The following ZNF236 variants were observed in gnomAD, a reference collection of about 807,000 sequenced individuals.
ZNF236 encodes regulated by glucose.
A neutral mutation model predicts 191.2 loss-of-function variants in ZNF236; 50 were observed. That is an observed-to-expected ratio of 0.26 (90% confidence interval 0.21 to 0.33). The LOEUF (loss-of-function observed/expected upper bound fraction) is 0.33, where lower values mean the gene tolerates loss of function less well. Ranked by LOEUF, ZNF236 falls within the 10% of genes least tolerant of loss-of-function variation. ZNF236 has a pLI of 1.00. For missense variants in ZNF236, 1,754 were observed against 2,374.5 expected, an observed-to-expected ratio of 0.74 and a Z score of 5.43; for synonymous variants, 907 against 928.8, an observed-to-expected ratio of 0.98 and a Z score of 0.43.
At chr18:76,887,716 A>G (rs1977098676) in intron 9 of ZNF236, among the ~76,000 whole-genome samples, 1 of 152,168 alleles carries the variant, frequency 6.6e-6, no homozygotes, top group Admixed American at 6.5e-5. Flanking sequence ...GGCAAGAGAG[A>G]CATGTACAGG....
In ZNF236 at chr18:76,969,040, G is replaced by A. The variant is rs1968854325; in HGVS notation, c.*701G>A. ...GATTCAGCTGTCCACACGGGCTGGC[G>A]ACACACTTACCGCATCAATCTGTGT... On this transcript the variant is annotated 3_prime_UTR_variant, in exon 31 of 31. Coordinates refer to ENST00000320610, the MANE Select transcript of ZNF236 (RefSeq NM_001306089.2). The A allele has an allele frequency of 1.1e-6, 1 of 922,862 alleles. No homozygotes were observed. Among genetic ancestry groups the A allele is most frequent in the Non-Finnish European group, 1.3e-6 (1 of 772,582 alleles). The allele number at this position is 922,862 out of a possible 1,614,324, so 57.2% of individuals were successfully genotyped here.
intron 15 of ZNF236, 96 bp from the exon 16 acceptor site, chr18:76,910,564 C>A: frequency 1.7e-6 from 2 of 1,197,310 alleles, no homozygotes; most frequent in Non-Finnish European, 1.2e-6. Flanking sequence ...AATAGAAATG[C>A]CCCTTTAGAC....
At position 76,909,141 on chromosome 18, in the gene ZNF236, C is replaced by T. The variant is rs965953568; in HGVS notation, c.2551+568C>T. On this transcript the variant is annotated intron_variant, in intron 14 of 30. Coordinates refer to ENST00000320610, the MANE Select transcript of ZNF236 (RefSeq NM_001306089.2). ...AAGACCAGCCTGGCTATGGTGAAACCGTATCTCTACTAAAAATACGAAACT... is the reference window on the plus strand; with the variant it reads ...AAGACCAGCCTGGCTATGGTGAAACTGTATCTCTACTAAAAATACGAAACT... Among the ~76,000 whole-genome samples, 50 of 151,958 alleles carry T rather than the reference C, an allele frequency of 3.3e-4. 1 individual carries two copies. Among genetic ancestry groups the T allele is most frequent in the South Asian group, 2.1e-3 (10 of 4,806 alleles).
chr18:76,889,037 A>C (rs1020875052), intron 9 of ZNF236, among the ~76,000 whole-genome samples: 2 of 152,180 alleles, frequency 1.3e-5, no homozygotes, highest in Non-Finnish European at 2.9e-5. Context: ...TCTGTAATTT[A>C]GCCCTGCCTG....
chr18:76,824,694 C>T (rs1974967733), intron 1 of ZNF236, among the ~76,000 whole-genome samples: 6 of 152,180 alleles, frequency 3.9e-5, no homozygotes. Context: ...CCGATGGTAT[C>T]CCTGTCCACC....
chr18:76,939,065 C>G (rs761662783), intron 26 of ZNF236, among the ~76,000 whole-genome samples: 1 of 152,088 alleles, frequency 6.6e-6, no homozygotes, highest in Non-Finnish European at 1.5e-5. Context: ...ACTGGCTGGG[C>G]GTGGTGGCTC....
At chr18:76,879,898 C>T (rs1976830273) in intron 7 of ZNF236, among the ~76,000 whole-genome samples, 1 of 152,058 alleles carries the variant, frequency 6.6e-6, no homozygotes, top group African/African-American at 2.4e-5. Flanking sequence ...AAAAACTGTA[C>T]AAAATTGCAT....
In ZNF236 at chr18:76,892,168, G is replaced by GTTTTTTTTTTT. The variant is rs34870901; in HGVS notation, c.1418-2834_1418-2824dup. Among the ~76,000 whole-genome samples, 17 of 52,772 alleles carry GTTTTTTTTTTT rather than the reference G, an allele frequency of 3.2e-4. 1 individual carries two copies. Among genetic ancestry groups the GTTTTTTTTTTT allele is most frequent in the East Asian group, 7.6e-4 (1 of 1,322 alleles). The allele number at this position is 52,772 out of a possible 152,430, so 34.6% of individuals were successfully genotyped here. On this transcript the variant is annotated intron_variant, in intron 9 of 30. Coordinates refer to ENST00000320610, the MANE Select transcript of ZNF236 (RefSeq NM_001306089.2). The stretch of plus-strand genomic sequence containing the variant: ...TTTTCTTTTTGAAATTTTCTTCTGG[G>GTTTTTTTTTTT]TTTTTTTTTTTTTTTTTTTTTGTAA...
At chr18:76,849,405 T>C in intron 1 of ZNF236, 121 bp from the exon 2 acceptor site, 1 of 771,818 alleles carries the variant, frequency 1.3e-6, no homozygotes. Context: ...TAATTTCGTC[T>C]AAAATGTCAC....
chr18:76,849,323 A>G (rs1022135386), intron 1 of ZNF236: 11 of 493,556 alleles, frequency 2.2e-5, no homozygotes, highest in African/African-American at 6.0e-5. Flanking sequence ...CTGTTGTCCC[A>G]TATCTTAGTC....
At position 76,960,791 on chromosome 18, in the gene ZNF236, C is replaced by T. The variant is rs765748896; in HGVS notation, c.5355C>T (p.Cys1785=). ...AGCGGCCCTACAAGTGTGCCTACTG[C>T]GTCATGGGCTTCACGCAGAAGAGCA... ...TGERPYKCAY[C]VMGFTQKSNM... Residue 1785 remains cysteine, a synonymous_variant, in exon 30 of 31, where the codon TGC becomes TGT. Transcript: ENST00000320610. The surrounding 1 kb of genome is among the most constrained non-coding windows in gnomAD (Gnocchi z 4.4). 6.8e-6 allele frequency: 11 copies of T among 1,614,018 alleles called. No homozygotes were observed. The highest frequency in any genetic ancestry group is 3.3e-5 in the Admixed American group (2 of 60,006).
intron 20 of ZNF236, among the ~76,000 whole-genome samples, chr18:76,920,352 A>G (rs914822302): frequency 1.3e-5 from 2 of 152,090 alleles, no homozygotes; most frequent in Non-Finnish European, 2.9e-5. Context: ...GGAGTTTGAG[A>G]CCAGCCTGAC....
chr18:76,941,251 G>A (rs760825121), intron 26 of ZNF236, among the ~76,000 whole-genome samples: 11 of 152,166 alleles, frequency 7.2e-5, no homozygotes, highest in Admixed American at 1.3e-4. Context: ...CCTGGGATGC[G>A]CTGTGGCCCA....
At chr18:76,833,189 T>C (rs943321404) in intron 1 of ZNF236, among the ~76,000 whole-genome samples, 16 of 152,328 alleles carry the variant, frequency 1.1e-4, no homozygotes, top group African/African-American at 2.6e-4. Context: ...TTTATCACTT[T>C]CGTTACTGTT....
At chr18:76,891,235 CTTT>C (rs1156919185) in intron 9 of ZNF236, among the ~76,000 whole-genome samples, 2 of 152,100 alleles carry the variant, frequency 1.3e-5, no homozygotes, top group Non-Finnish European at 2.9e-5. Flanking sequence ...AGCTGAAAAA[CTTT>C]TTTAACTGGG....
chr18:76,941,667 T>C (rs1968136167), intron 26 of ZNF236, among the ~76,000 whole-genome samples: 1 of 152,228 alleles, frequency 6.6e-6, no homozygotes, highest in Non-Finnish European at 1.5e-5. Context: ...TTCTGGAGCC[T>C]GTGTCTATCC....
At chr18:76,937,868 C>T (rs1402534187) in intron 26 of ZNF236, among the ~76,000 whole-genome samples, 1 of 152,096 alleles carries the variant, frequency 6.6e-6, no homozygotes, top group African/African-American at 2.4e-5. Context: ...GCTGAAAAAC[C>T]TTTCAGACTT....
chr18:76,955,846 C>A, intron 27 of ZNF236, 139 bp from the exon 28 acceptor site: 1 of 939,468 alleles, frequency 1.1e-6, no homozygotes, highest in Non-Finnish European at 1.7e-6. Context: ...GCTAAATTAT[C>A]CTGATGATAG....
intron 7 of ZNF236, 110 bp downstream of exon 7, chr18:76,878,262 A>C: frequency 3.8e-6 from 4 of 1,060,306 alleles, no homozygotes; most frequent in Non-Finnish European, 3.9e-6. Flanking sequence ...AAAATTTTTT[A>C]TATGGAGAAA....
Sources: allele counts gnomAD v4.1 joint callset (sites outside exome capture counted in the v4.1 genomes callset), GRCh38; gene constraint gnomAD v4.1.1; non-coding constraint Gnocchi (gnomAD v3.1); transcripts MANE v1.5; gene names NCBI Gene and HGNC (gene_info 2026-07-23, HGNC 2026-07-21).